BICC1: variants seen among roughly 807,000 people sequenced by gnomAD.
The protein encoded by BICC1 is protein bicaudal C homolog 1.
A neutral mutation model predicts 111.0 loss-of-function variants in BICC1; 43 were observed. The ratio of observed to expected loss-of-function variants is 0.39; its 90% CI spans 0.30 to 0.50. BICC1 has a LOEUF of 0.50. Ranked by LOEUF, BICC1 falls within the 20% of genes least tolerant of loss-of-function variation. BICC1 has a pLI of 0.88. For synonymous variants in BICC1, 467 were observed against 434.4 expected (o/e 1.07, Z -0.93); for missense variants, 1,091 against 1,203.2 (o/e 0.91, Z 1.38).
At chr10:58,520,243 A>T (rs888382230) in intron 1 of BICC1, among the ~76,000 whole-genome samples, 1 of 152,228 alleles carries the variant, frequency 6.6e-6, no homozygotes, top group African/African-American at 2.4e-5. Flanking sequence ...TTTATATGAA[A>T]TATTTAATAA....
chr10:58,622,215 A>G (rs1306735348), intron 2 of BICC1, among the ~76,000 whole-genome samples: 1 of 152,154 alleles, frequency 6.6e-6, no homozygotes, highest in African/African-American at 2.4e-5. Context: ...AACAAATAGC[A>G]GAAATCATAG....
intron 1 of BICC1, among the ~76,000 whole-genome samples, chr10:58,579,572 A>G (rs1844210975): frequency 6.6e-6 from 1 of 152,178 alleles, no homozygotes; most frequent in South Asian, 2.1e-4. Context: ...ATCCCCTGGC[A>G]GAGAAATTTG....
chr10:58,787,917 A>C (rs1032389748), intron 5 of BICC1, among the ~76,000 whole-genome samples: 3 of 152,206 alleles, frequency 2.0e-5, no homozygotes, highest in African/African-American at 7.2e-5. Flanking sequence ...AGGAGATTTC[A>C]GAAGTAAGCT....
At position 58,830,602 on chromosome 10, in the gene BICC1, A is replaced by G. The variant is rs1334501881; in HGVS notation, c.*1711A>G. On this transcript the variant is annotated 3_prime_UTR_variant, in exon 21 of 21. Transcript: ENST00000373886. ...AGAATTGAAGAGGCATTTTGCACAC[A>G]GAAACATTCTCACTTTAAAAAATGG... 1.3e-5 allele frequency: 2 copies of G among 152,224 alleles called. No individual in the cohort carries two copies. The highest frequency in any genetic ancestry group is 4.8e-5 in the African/African-American group (2 of 41,472). 9.4% of individuals were successfully genotyped at this position (152,224 alleles called of 1,614,324 possible).
At chr10:58,635,349 G>A (rs1224150256) in intron 2 of BICC1, among the ~76,000 whole-genome samples, 3 of 152,306 alleles carry the variant, frequency 2.0e-5, no homozygotes, top group South Asian at 2.1e-4. Flanking sequence ...GCACTTCCCA[G>A]TATTGTTTGA....
chr10:58,778,845 A>G (rs1842813761), intron 3 of BICC1, among the ~76,000 whole-genome samples: 1 of 152,188 alleles, frequency 6.6e-6, no homozygotes. Flanking sequence ...CTTGAAATAT[A>G]CTTTGCTCTT....
chr10:58,661,818 T>G (rs987001956), intron 2 of BICC1, among the ~76,000 whole-genome samples: 6 of 152,302 alleles, frequency 3.9e-5, no homozygotes, highest in Admixed American at 2.6e-4. Flanking sequence ...AAATCTGATA[T>G]AATTTGGCTT....
intron 3 of BICC1, among the ~76,000 whole-genome samples, chr10:58,778,465 G>A (rs1036230423): frequency 6.6e-6 from 1 of 152,072 alleles, no homozygotes; most frequent in Non-Finnish European, 1.5e-5. Flanking sequence ...ATATACAGTA[G>A]TCTTAACAAT....
At chr10:58,709,150 A>G (rs967579347) in intron 3 of BICC1, among the ~76,000 whole-genome samples, 1 of 152,090 alleles carries the variant, frequency 6.6e-6, no homozygotes, top group South Asian at 2.1e-4. Context: ...GAACACTAGG[A>G]TTTATTCTTC....
intron 1 of BICC1, among the ~76,000 whole-genome samples, chr10:58,530,208 C>G (rs917528084): frequency 6.6e-6 from 1 of 151,610 alleles, no homozygotes; most frequent in Non-Finnish European, 1.5e-5. Flanking sequence ...GGTCACGTAC[C>G]TCCACCCCAC....
At chr10:58,571,749 T>C (rs760697579) in intron 1 of BICC1, among the ~76,000 whole-genome samples, 1 of 152,136 alleles carries the variant, frequency 6.6e-6, no homozygotes, top group Non-Finnish European at 1.5e-5. Context: ...TTGACGGGCA[T>C]TTAGGTTGAT....
intron 8 of BICC1, among the ~76,000 whole-genome samples, chr10:58,792,167 G>A (rs1344624803): frequency 2.6e-5 from 4 of 151,976 alleles, no homozygotes; most frequent in African/African-American, 4.8e-5. Flanking sequence ...AGCACCCAGT[G>A]GGCTAACACT....
chr10:58,756,064 T>C (rs1194498113), intron 3 of BICC1, among the ~76,000 whole-genome samples: 2 of 152,208 alleles, frequency 1.3e-5, no homozygotes, highest in African/African-American at 4.8e-5. Flanking sequence ...CCTGGGAACC[T>C]CACACCTCTG....
intron 2 of BICC1, among the ~76,000 whole-genome samples, chr10:58,690,742 G>A (rs547420050): frequency 6.6e-6 from 1 of 152,084 alleles, no homozygotes; most frequent in Middle Eastern, 3.2e-3. Context: ...TTACTCATCA[G>A]CATAGATGCC....
chr10:58,514,363 A>G (rs1243613845), intron 1 of BICC1, among the ~76,000 whole-genome samples: 1 of 152,320 alleles, frequency 6.6e-6, no homozygotes, highest in African/African-American at 2.4e-5. Flanking sequence ...TTCTTTTATC[A>G]TGGAGGAGTT....
At chr10:58,666,551 A>C (rs1484615907) in intron 2 of BICC1, among the ~76,000 whole-genome samples, 2 of 152,178 alleles carry the variant, frequency 1.3e-5, no homozygotes, top group Non-Finnish European at 2.9e-5. Context: ...TTATCCAAGC[A>C]CACAGAAGGT....
chr10:58,639,719 A>AT (rs71033694), intron 2 of BICC1, among the ~76,000 whole-genome samples: 31,594 of 93,016 alleles, frequency 0.34, 6,714 homozygotes, highest in African/African-American at 0.49. Flanking sequence ...GCCCGGCCAA[A>AT]TTTTTTTTTT....
chr10:58,628,268 A>G (rs1211002257), intron 2 of BICC1, among the ~76,000 whole-genome samples: 2 of 152,220 alleles, frequency 1.3e-5, no homozygotes, highest in African/African-American at 4.8e-5. Flanking sequence ...TAATGGATTA[A>G]TTATTGCAGT....
chr10:58,526,910 C>T (rs935388048), intron 1 of BICC1, among the ~76,000 whole-genome samples: 2 of 152,262 alleles, frequency 1.3e-5, no homozygotes, highest in East Asian at 3.9e-4. Context: ...ATCTTTATAG[C>T]AGCATGATTT....
Sources: allele counts gnomAD v4.1 joint callset (sites outside exome capture counted in the v4.1 genomes callset), GRCh38; gene constraint gnomAD v4.1.1; transcripts MANE v1.5; gene names NCBI Gene and HGNC (gene_info 2026-07-23, HGNC 2026-07-21).